Variants in RPTOR observed in about 807,000 individuals in gnomAD.
RPTOR encodes the protein regulatory associated protein of MTOR complex 1, also known as regulatory-associated protein of mTOR.
Under a neutral mutation model 169.9 loss-of-function variants are expected in RPTOR, and 21 were observed. The observed-to-expected ratio is 0.12, with a 90% CI of 0.09 to 0.18. RPTOR has a LOEUF of 0.18. RPTOR is among the 10% of genes least tolerant of loss of function. RPTOR has a pLI of 1.00. For synonymous variants in RPTOR, 732 were observed against 753.2 expected, an observed-to-expected ratio of 0.97 and a Z score of 0.46; for missense variants, 1,133 against 1,855.9, an observed-to-expected ratio of 0.61 and a Z score of 7.16.
At position 80,878,687 on chromosome 17, in the gene RPTOR, A is replaced by T. The variant is rs1290329217; in HGVS notation, c.1510-1728A>T. Among the ~76,000 whole-genome samples, 2 of 152,312 alleles carry T rather than the reference A, an allele frequency of 1.3e-5. No homozygotes were observed. Among genetic ancestry groups the T allele is most frequent in the Middle Eastern group, 3.4e-3 (1 of 294 alleles). Reference sequence around the variant, plus strand: ...AACTTTACCTGGGTCCCTGACTAGTAAGAGGGAGAACCTGGACTTGAAACT... The same window carrying T: ...AACTTTACCTGGGTCCCTGACTAGTTAGAGGGAGAACCTGGACTTGAAACT... On this transcript the variant is annotated intron_variant, in intron 13 of 33. Transcript: ENST00000306801. The surrounding 1 kb of genome is among the most constrained non-coding windows in gnomAD (Gnocchi z 4.1).
intron 9 of RPTOR, among the ~76,000 whole-genome samples, chr17:80,826,363 G>A (rs1366674069): frequency 2.6e-5 from 4 of 152,170 alleles, no homozygotes; most frequent in African/African-American, 4.8e-5. Context: ...CTCCTCATCC[G>A]GGAAAGTGAC....
intron 1 of RPTOR, among the ~76,000 whole-genome samples, chr17:80,572,350 A>G (rs957822983): frequency 7.2e-5 from 11 of 152,068 alleles, no homozygotes; most frequent in African/African-American, 2.7e-4. Flanking sequence ...GAGCATTCTT[A>G]TATATTCTGG....
intron 5 of RPTOR, among the ~76,000 whole-genome samples, chr17:80,744,413 A>T (rs200548248): frequency 0.064 from 1,699 of 26,568 alleles, 29 homozygotes; most frequent in East Asian, 0.17. Flanking sequence ...CTACTAGCAC[A>T]GCCCTGGCTA....
chr17:80,846,735 C>G (rs1475004212), intron 11 of RPTOR, among the ~76,000 whole-genome samples, 161 bp downstream of exon 11: 2 of 152,224 alleles, frequency 1.3e-5, no homozygotes, highest in African/African-American at 4.8e-5. Context: ...AGGTCGCATT[C>G]GGGCAAACGG....
At chr17:80,565,088 C>T (rs1478602187) in intron 1 of RPTOR, among the ~76,000 whole-genome samples, 1 of 152,188 alleles carries the variant, frequency 6.6e-6, no homozygotes, top group African/African-American at 2.4e-5. Context: ...TGAACATAAG[C>T]ATGCGTGTCT....
intron 1 of RPTOR, among the ~76,000 whole-genome samples, chr17:80,563,967 C>T (rs1056433665): frequency 7.9e-5 from 12 of 152,198 alleles, no homozygotes; most frequent in Admixed American, 2.6e-4. Context: ...TCATTCACCC[C>T]CTTGGACCGC....
At chr17:80,729,249 G>A (rs1352903549) in intron 4 of RPTOR, among the ~76,000 whole-genome samples, 1 of 152,132 alleles carries the variant, frequency 6.6e-6, no homozygotes, top group Non-Finnish European at 1.5e-5. Context: ...CAGTACCAGC[G>A]GCAGGATATG....
intron 7 of RPTOR, among the ~76,000 whole-genome samples, chr17:80,808,859 C>T (rs1228015577): frequency 3.9e-5 from 6 of 152,178 alleles, no homozygotes; most frequent in Non-Finnish European, 7.3e-5. Context: ...TAGTGTGTTC[C>T]TGTTCATTAT....
rs1220336357 is a variant in RPTOR at position 80,579,808 on chromosome 17, G to A, written c.162+34017G>A. ...GGGTAGTTAAGTGTCACTTACTAGA[G>A]TCGAGGATTTCAGCGCAGGTCTTTT... On this transcript the variant is annotated intron_variant, in intron 1 of 33. Transcript: ENST00000306801. Among the ~76,000 whole-genome samples, 73 of 152,272 alleles carry A rather than the reference G, an allele frequency of 4.8e-4. 1 individual carries two copies. Among genetic ancestry groups the A allele is most frequent in the Non-Finnish European group, 2.8e-4 (19 of 68,018 alleles).
chr17:80,749,422 G>C (rs2066609863), intron 5 of RPTOR, among the ~76,000 whole-genome samples: 2 of 83,578 alleles, frequency 2.4e-5, no homozygotes, highest in African/African-American at 9.0e-5. Flanking sequence ...TTGGGTGGAT[G>C]GAGGGGCTGC....
intron 1 of RPTOR, among the ~76,000 whole-genome samples, chr17:80,554,771 A>ACAG (rs2084387588): frequency 7.4e-6 from 1 of 134,982 alleles, no homozygotes; most frequent in African/African-American, 2.7e-5. Context: ...AACAAAACAA[A>ACAG]CAACAACAAC....
intron 3 of RPTOR, among the ~76,000 whole-genome samples, chr17:80,655,023 TGAAAA>T (rs765733224): frequency 3.3e-5 from 5 of 152,372 alleles, no homozygotes; most frequent in African/African-American, 7.2e-5. Context: ...ATTTCAAACT[TGAAAA>T]GAACACAAAA....
In RPTOR at chr17:80,823,672, C is replaced by T. The variant is rs2067408023; in HGVS notation, c.1136+449C>T. ...ACACACACACACACACACACACACA[C>T]ACACACAACGCTCATAAGTGTAATC... On this transcript the variant is annotated intron_variant, in intron 9 of 33. Coordinates refer to ENST00000306801, the MANE Select transcript of RPTOR (RefSeq NM_020761.3). This position sits in a 1 kb window ranked among gnomAD's most constrained non-coding sequence, Gnocchi z 4.5. 3 of 153,504 alleles carry T rather than the reference C, an allele frequency of 2.0e-5. No homozygotes were observed. In the South Asian group the frequency reaches 5.1e-4, roughly 26 times the overall value. 9.5% of individuals were successfully genotyped at this position (153,504 alleles called of 1,614,324 possible).
chr17:80,745,686 T>G (rs182918991), intron 5 of RPTOR, among the ~76,000 whole-genome samples: 5 of 152,286 alleles, frequency 3.3e-5, no homozygotes, highest in African/African-American at 9.6e-5. Flanking sequence ...TAATTAGGTG[T>G]TGTTGAATTG....
chr17:80,726,782 G>A lies in RPTOR; in HGVS notation c.508-3778G>A, dbSNP rs908096984. The stretch of plus-strand genomic sequence containing the variant: ...ATTATAGGAGGTAAATAAATAGCAC[G>A]CAGTGTTCTGGGGGTAAAAAGATAC... On this transcript the variant is annotated intron_variant, in intron 4 of 33. Coordinates refer to ENST00000306801, the MANE Select transcript of RPTOR (RefSeq NM_020761.3). The surrounding 1 kb of genome is among the most constrained non-coding windows in gnomAD (Gnocchi z 4.5). Among the ~76,000 whole-genome samples the A allele has an allele frequency of 9.2e-5, 14 of 152,144 alleles. No homozygotes were observed. Among genetic ancestry groups the A allele is most frequent in the East Asian group, 1.9e-4 (1 of 5,196 alleles).
chr17:80,925,658 G>T (rs2271608), intron 24 of RPTOR, among the ~76,000 whole-genome samples, 178 bp downstream of exon 24: 1 of 152,078 alleles, frequency 6.6e-6, no homozygotes, highest in Non-Finnish European at 1.5e-5. Flanking sequence ...CCTTCCTGTC[G>T]CCAAACGAAA....
chr17:80,590,596 G>A (rs1257340130), intron 1 of RPTOR, among the ~76,000 whole-genome samples: 5 of 120,214 alleles, frequency 4.2e-5, no homozygotes, highest in African/African-American at 1.2e-4. Context: ...TGGTTGGGCC[G>A]TGTGTTAGCA....
intron 1 of RPTOR, chr17:80,602,933 G>A (rs11551481): frequency 2.1e-5 from 9 of 420,512 alleles, no homozygotes; most frequent in Admixed American, 3.6e-5. Context: ...CCATTCTGCC[G>A]GGTCCAAGTT....
At chr17:80,788,433 G>A (rs7225553) in intron 6 of RPTOR, among the ~76,000 whole-genome samples, 8,459 of 152,212 alleles carry the variant, frequency 0.056, 299 homozygotes, top group Non-Finnish European at 0.087. Flanking sequence ...GGGTGACAGA[G>A]TGAGACTCTG....
Sources: gnomAD v4.1 joint callset for allele counts (sites outside exome capture counted in the v4.1 genomes callset) on GRCh38, gnomAD v4.1.1 for gene constraint, Gnocchi (gnomAD v3.1) non-coding constraint, MANE v1.5 for transcripts, NCBI Gene and HGNC (gene_info 2026-07-23, HGNC 2026-07-21) for gene names.